Variants in RBFOX3 observed in about 807,000 individuals in gnomAD.
The protein encoded by RBFOX3 is RNA binding protein fox-1 homolog 3.
A neutral mutation model predicts 48.7 loss-of-function variants in RBFOX3; 17 were observed. The observed-to-expected ratio is 0.35, with a 90% CI of 0.24 to 0.52. RBFOX3 has a LOEUF of 0.52. Among genes scored for constraint, RBFOX3 ranks in the 20% least tolerant of loss-of-function variants. The pLI is 0.94. For synonymous variants in RBFOX3, 212 were observed against 209.5 expected, an observed-to-expected ratio of 1.01 and a Z score of -0.10; for missense variants, 382 against 497.5, an observed-to-expected ratio of 0.77 and a Z score of 2.21.
rs558162532 is a variant in RBFOX3 at position 79,469,354 on chromosome 17, C to T, written c.-175+13100G>A. ...TGCAGCAGCACTGGGGCCCCTTGGC[C>T]GCCCATGCAGTCCTGGGAATCCAGG... On this transcript the variant is annotated intron_variant, in intron 2 of 14. Coordinates refer to ENST00000693108, the MANE Select transcript of RBFOX3 (RefSeq NM_001350451.2). Among the ~76,000 whole-genome samples the T allele has an allele frequency of 1.4e-4, 21 of 152,306 alleles. No homozygotes were observed. In the South Asian group the frequency reaches 3.1e-3, roughly 23 times the overall value.
chr17:79,580,509 C>T lies in RBFOX3; in HGVS notation c.-320+30317G>A, dbSNP rs1051843573. On this transcript the variant is annotated intron_variant, in intron 1 of 14. Coordinates refer to ENST00000693108, the MANE Select transcript of RBFOX3 (RefSeq NM_001350451.2). ...ACTCTGGGCATAGACGACTGTTCAGCGGTGCTCAGTGAATTAAACCATTGC... is the reference window on the plus strand; with the variant it reads ...ACTCTGGGCATAGACGACTGTTCAGTGGTGCTCAGTGAATTAAACCATTGC... Among the ~76,000 whole-genome samples, 991 of 152,180 alleles carry T rather than the reference C, an allele frequency of 6.5e-3. 16 individuals carry two copies. Among genetic ancestry groups the T allele is most frequent in the African/African-American group, 0.022 (911 of 41,510 alleles).
chr17:79,131,258 T>C (rs1478129448), intron 4 of RBFOX3, among the ~76,000 whole-genome samples: 1 of 152,168 alleles, frequency 6.6e-6, no homozygotes, highest in Non-Finnish European at 1.5e-5. Flanking sequence ...CCATGTGTGC[T>C]CCGCTCAGTC....
At chr17:79,577,668 C>T (rs1476017307) in intron 1 of RBFOX3, among the ~76,000 whole-genome samples, 22 of 152,202 alleles carry the variant, frequency 1.4e-4, no homozygotes, top group African/African-American at 4.8e-4. Context: ...AACACACACA[C>T]GTCTGTGGCT....
chr17:79,283,673 C>A (rs1438457860), intron 3 of RBFOX3, among the ~76,000 whole-genome samples: 1 of 152,222 alleles, frequency 6.6e-6, no homozygotes, highest in Non-Finnish European at 1.5e-5. Context: ...AGCCCAGGAC[C>A]TGCCTTTTCT....
chr17:79,602,485 G>T (rs986254886), intron 1 of RBFOX3, among the ~76,000 whole-genome samples: 1 of 152,156 alleles, frequency 6.6e-6, no homozygotes, highest in Non-Finnish European at 1.5e-5. Context: ...CTGGGGGCAC[G>T]CAGCCAGGAT....
intron 4 of RBFOX3, among the ~76,000 whole-genome samples, chr17:79,218,692 T>G (rs2612754): frequency 0.83 from 126,983 of 152,234 alleles, 54,327 homozygotes; most frequent in South Asian, 0.93. Context: ...GGGAACAGGG[T>G]TCCATTCTGC....
chr17:79,244,580 G>A (rs780787318), intron 3 of RBFOX3, among the ~76,000 whole-genome samples: 1 of 147,066 alleles, frequency 6.8e-6, no homozygotes, highest in Non-Finnish European at 1.5e-5. Flanking sequence ...CTCTGGGCTT[G>A]CTGGGCCTGG....
chr17:79,619,602 C>T, the RBFOX3 span, among the ~76,000 whole-genome samples: 1 of 152,132 alleles, frequency 6.6e-6, no homozygotes, highest in South Asian at 2.1e-4. Flanking sequence ...GTACTGTGTC[C>T]AAATAAGGCA....
intron 4 of RBFOX3, among the ~76,000 whole-genome samples, chr17:79,202,222 G>A (rs774843863): frequency 2.0e-5 from 3 of 152,072 alleles, no homozygotes; most frequent in Non-Finnish European, 2.9e-5. Context: ...GCTCTGTCCC[G>A]CTGTATCATC....
At chr17:79,096,579 A>G (rs2075306539) in intron 12 of RBFOX3, 74 bp downstream of exon 12, 1 of 1,313,280 alleles carries the variant, frequency 7.6e-7, no homozygotes, top group Non-Finnish European at 1.1e-6. Flanking sequence ...GCAGTGAGAG[A>G]GGAGACGCCG....
chr17:79,427,622 C>T (rs1314468285), intron 2 of RBFOX3, among the ~76,000 whole-genome samples: 4 of 152,230 alleles, frequency 2.6e-5, no homozygotes, highest in Non-Finnish European at 5.9e-5. Flanking sequence ...TCACTCTTAA[C>T]CGTGGAGACC....
chr17:79,155,591 G>A (rs969258421), intron 4 of RBFOX3, among the ~76,000 whole-genome samples: 4 of 152,240 alleles, frequency 2.6e-5, no homozygotes, highest in South Asian at 2.1e-4. Flanking sequence ...ACAGCTGGGG[G>A]CAGGGGGGTC....
chr17:79,244,782 CTCCT>C lies in RBFOX3; in HGVS notation c.-73-8981_-73-8978del, dbSNP rs367792651. Among the ~76,000 whole-genome samples, 688 of 139,036 alleles carry C rather than the reference CTCCT, an allele frequency of 4.9e-3. 4 individuals carry two copies. Among genetic ancestry groups the C allele is most frequent in the Middle Eastern group, 0.016 (4 of 250 alleles). 91.2% of individuals were successfully genotyped at this position (139,036 alleles called of 152,430 possible). On this transcript the variant is annotated intron_variant, in intron 3 of 14. Transcript: ENST00000693108. ...CCTTTTCTTCCTTCCTTCCTTTATT[CTCCT>C]TCCTTCCTTCCTTCCCCCTCTCCTT...
intron 1 of RBFOX3, among the ~76,000 whole-genome samples, chr17:79,487,527 C>T (rs997653161): frequency 9.5e-4 from 145 of 152,346 alleles, no homozygotes; most frequent in African/African-American, 3.4e-3. Flanking sequence ...TGTTTGCTCA[C>T]TATCGTGCCC....
intron 4 of RBFOX3, among the ~76,000 whole-genome samples, chr17:79,145,870 A>G (rs957625987): frequency 6.6e-6 from 1 of 152,116 alleles, no homozygotes; most frequent in African/African-American, 2.4e-5. Context: ...CCTTTTTGGT[A>G]CCAGGGACTG....
At chr17:79,196,236 C>T (rs1209691177) in intron 4 of RBFOX3, among the ~76,000 whole-genome samples, 3 of 152,096 alleles carry the variant, frequency 2.0e-5, no homozygotes, top group Non-Finnish European at 4.4e-5. Context: ...AGACTGTAGT[C>T]CCGCATCTCC....
intron 1 of RBFOX3, among the ~76,000 whole-genome samples, chr17:79,506,814 A>G (rs919038713): frequency 2.4e-4 from 37 of 152,182 alleles, no homozygotes; most frequent in African/African-American, 8.7e-4. Flanking sequence ...CGCTTCCGGC[A>G]GAACATGGAA....
intron 4 of RBFOX3, among the ~76,000 whole-genome samples, chr17:79,179,891 T>G (rs1023440691): frequency 6.6e-6 from 1 of 152,082 alleles, no homozygotes. Flanking sequence ...GGGTCAGATG[T>G]TGGGGGACCA....
chr17:79,102,817 G>A (rs2076688985), intron 8 of RBFOX3, among the ~76,000 whole-genome samples: 1 of 152,204 alleles, frequency 6.6e-6, no homozygotes, highest in Non-Finnish European at 1.5e-5. Context: ...GGGATTAATG[G>A]CTCCTTGGCC....
Sources: gnomAD v4.1 joint callset for allele counts (sites outside exome capture counted in the v4.1 genomes callset) on GRCh38, gnomAD v4.1.1 for gene constraint, MANE v1.5 for transcripts, NCBI Gene and HGNC (gene_info 2026-07-23, HGNC 2026-07-21) for gene names.